ADGRB3: variants seen among roughly 807,000 people sequenced by gnomAD.
ADGRB3 encodes the protein adhesion G protein-coupled receptor B3.
ADGRB3 carries 37 observed loss-of-function variants against 193.4 expected under a neutral mutation model. The observed-to-expected ratio is 0.19, with a 90% CI of 0.15 to 0.25. ADGRB3 has a LOEUF of 0.25. Among genes scored for constraint, ADGRB3 ranks in the 10% least tolerant of loss-of-function variants. The pLI, the probability that ADGRB3 is intolerant of heterozygous loss-of-function variation, is 1.00. For synonymous variants in ADGRB3, 690 were observed against 644.2 expected (o/e 1.07, Z -1.08); for missense variants, 1,637 against 1,852.9 (o/e 0.88, Z 2.14).
intron 20 of ADGRB3, among the ~76,000 whole-genome samples, chr6:69,292,012 A>C (rs1361100908): frequency 6.6e-6 from 1 of 152,064 alleles, no homozygotes. Flanking sequence ...AGCCTTGCCA[A>C]GTTTTCTCTA....
chr6:68,812,349 G>A (rs1562039888), intron 3 of ADGRB3, among the ~76,000 whole-genome samples: 1 of 151,746 alleles, frequency 6.6e-6, no homozygotes, highest in Non-Finnish European at 1.5e-5. Context: ...TTATTTCTGA[G>A]TTAACATTTT....
intron 6 of ADGRB3, among the ~76,000 whole-genome samples, chr6:68,948,277 A>G (rs1423588215): frequency 6.6e-6 from 1 of 152,226 alleles, no homozygotes; most frequent in South Asian, 2.1e-4. Flanking sequence ...ACTAGAGATA[A>G]CAGTTTTTCT....
intron 17 of ADGRB3, among the ~76,000 whole-genome samples, chr6:69,137,713 C>A (rs905697552): frequency 6.6e-6 from 1 of 152,158 alleles, no homozygotes; most frequent in Non-Finnish European, 1.5e-5. Context: ...AGGAGAATCA[C>A]TTGAACCCGG....
chr6:69,056,784 T>C (rs2150305339), intron 15 of ADGRB3, among the ~76,000 whole-genome samples: 1 of 152,316 alleles, frequency 6.6e-6, no homozygotes, highest in East Asian at 1.9e-4. Context: ...TGTACTCTAT[T>C]CTGTTCTGTT....
At chr6:69,068,535 A>T (rs1446516016) in intron 16 of ADGRB3, among the ~76,000 whole-genome samples, 1 of 152,194 alleles carries the variant, frequency 6.6e-6, no homozygotes, top group Non-Finnish European at 1.5e-5. Context: ...GATCACATGC[A>T]GGTAGGACAC....
At chr6:69,130,175 A>G (rs1773967289) in intron 17 of ADGRB3, among the ~76,000 whole-genome samples, 1 of 151,934 alleles carries the variant, frequency 6.6e-6, no homozygotes, top group African/African-American at 2.4e-5. Context: ...ACATGGTGGA[A>G]AGGAAGAATG....
At chr6:68,925,122 C>CT (rs534812766) in intron 3 of ADGRB3, among the ~76,000 whole-genome samples, 104 of 151,854 alleles carry the variant, frequency 6.8e-4, no homozygotes, top group Non-Finnish European at 1.4e-3. Flanking sequence ...CCTATCCTCT[C>CT]TATCTTTTCA....
chr6:68,815,604 TG>T (rs1208526384), intron 3 of ADGRB3, among the ~76,000 whole-genome samples: 1 of 7,538 alleles, frequency 1.3e-4, no homozygotes, highest in Non-Finnish European at 2.5e-4. Flanking sequence ...CATCAAAAAT[TG>T]TGTGTGTGTG....
intron 20 of ADGRB3, among the ~76,000 whole-genome samples, chr6:69,302,379 A>G (rs1198326848): frequency 4.0e-5 from 6 of 151,770 alleles, no homozygotes; most frequent in African/African-American, 1.5e-4. Context: ...GAGAATGAGA[A>G]CATTTTTTTC....
intron 3 of ADGRB3, among the ~76,000 whole-genome samples, chr6:68,742,352 C>T (rs1003228885): frequency 6.6e-6 from 1 of 151,906 alleles, no homozygotes; most frequent in African/African-American, 2.4e-5. Flanking sequence ...AGGTCATACA[C>T]ATTTTAAAGG....
chr6:69,160,944 A>G (rs1371292889), intron 17 of ADGRB3, among the ~76,000 whole-genome samples: 2 of 152,152 alleles, frequency 1.3e-5, no homozygotes, highest in East Asian at 3.9e-4. Context: ...CATGTGGCCC[A>G]TTAGCTCAAT....
chr6:69,272,600 TA>T (rs1767205526), intron 20 of ADGRB3, among the ~76,000 whole-genome samples: 1 of 151,914 alleles, frequency 6.6e-6, no homozygotes, highest in Non-Finnish European at 1.5e-5. Flanking sequence ...AATGTTATAG[TA>T]AAAAAAGAAA....
At chr6:69,331,991 ACAC>A in intron 23 of ADGRB3, 2 of 985,322 alleles carry the variant, frequency 2.0e-6, no homozygotes, top group Non-Finnish European at 2.4e-6. Context: ...TAGCAACTGG[ACAC>A]ATTTTAGCTT....
chr6:68,741,295 C>A (rs1406881848), intron 3 of ADGRB3, among the ~76,000 whole-genome samples: 2 of 152,184 alleles, frequency 1.3e-5, no homozygotes, highest in Non-Finnish European at 2.9e-5. Context: ...GATAAAGTAA[C>A]CTCCTAAAGG....
intron 3 of ADGRB3, among the ~76,000 whole-genome samples, chr6:68,902,851 C>T (rs1217340569): frequency 6.6e-6 from 1 of 152,108 alleles, no homozygotes; most frequent in African/African-American, 2.4e-5. Context: ...TTTCTCACCT[C>T]ACATATATGA....
intron 3 of ADGRB3, among the ~76,000 whole-genome samples, chr6:68,757,106 A>G (rs1766311884): frequency 6.6e-6 from 1 of 152,128 alleles, no homozygotes; most frequent in African/African-American, 2.4e-5. Flanking sequence ...CAATTTGGTT[A>G]TAAATTTCCT....
At chr6:69,321,723 T>C (rs1768460541) in intron 20 of ADGRB3, among the ~76,000 whole-genome samples, 1 of 151,838 alleles carries the variant, frequency 6.6e-6, no homozygotes, top group African/African-American at 2.4e-5. Context: ...GAAGCTGATG[T>C]GTCATTTGTG....
At chr6:69,310,990 A>T (rs1157184699) in intron 20 of ADGRB3, among the ~76,000 whole-genome samples, 1 of 151,714 alleles carries the variant, frequency 6.6e-6, no homozygotes, top group Non-Finnish European at 1.5e-5. Flanking sequence ...TTTTTCCCAC[A>T]TGCTGAGAAA....
chr6:69,203,457 T>TG (rs1301028121), intron 17 of ADGRB3, among the ~76,000 whole-genome samples: 1 of 151,932 alleles, frequency 6.6e-6, no homozygotes, highest in African/African-American at 2.4e-5. Context: ...TTTTGTTTTT[T>TG]TTTTCTCTTA....
Sources: allele counts gnomAD v4.1 joint callset (sites outside exome capture counted in the v4.1 genomes callset), GRCh38; gene constraint gnomAD v4.1.1; transcripts MANE v1.5; gene names NCBI Gene and HGNC (gene_info 2026-07-23, HGNC 2026-07-21).